The following NCKAP5 variants were observed in gnomAD, a reference collection of about 807,000 sequenced individuals.
NCKAP5 encodes the protein nck-associated protein 5.
In NCKAP5, 92 loss-of-function variants were observed where a neutral mutation model predicts 167.0. The ratio of observed to expected loss-of-function variants is 0.55; its 90% CI spans 0.47 to 0.66. The LOEUF is 0.66. NCKAP5 is among the 30% of genes least tolerant of loss of function. NCKAP5 has a pLI of 0.00. For missense variants in NCKAP5, 2,378 were observed against 2,315.0 expected (o/e 1.03, Z -0.56); for synonymous variants, 891 against 877.4 (o/e 1.02, Z -0.27).
intron 4 of NCKAP5, among the ~76,000 whole-genome samples, chr2:133,260,332 C>T (rs931116728): frequency 7.9e-5 from 12 of 152,186 alleles, no homozygotes; most frequent in African/African-American, 2.7e-4. Flanking sequence ...AGGCCTTCCA[C>T]CTATGCACAG....
chr2:132,945,408 T>C (rs1328623741), intron 8 of NCKAP5, among the ~76,000 whole-genome samples: 1 of 152,012 alleles, frequency 6.6e-6, no homozygotes, highest in Non-Finnish European at 1.5e-5. Context: ...AGCAACGAAA[T>C]CATCTAGTTA....
chr2:132,825,128 T>C (rs1357096175), intron 11 of NCKAP5, among the ~76,000 whole-genome samples: 1 of 152,206 alleles, frequency 6.6e-6, no homozygotes, highest in Non-Finnish European at 1.5e-5. Context: ...CTTTCTCTAC[T>C]TCAAGAGCAG....
At chr2:133,614,936 C>A in the NCKAP5 span, among the ~76,000 whole-genome samples, 11 of 152,208 alleles carry the variant, frequency 7.2e-5, no homozygotes, top group African/African-American at 1.9e-4. Context: ...GCCCATCAGA[C>A]TAACAGCGGA....
At chr2:133,373,876 A>G (rs1685965744) in intron 3 of NCKAP5, among the ~76,000 whole-genome samples, 1 of 152,376 alleles carries the variant, frequency 6.6e-6, no homozygotes, top group East Asian at 1.9e-4. Flanking sequence ...TTCACATGCC[A>G]AAAAGTGAAT....
At chr2:133,652,007 A>C in the NCKAP5 span, among the ~76,000 whole-genome samples, 1 of 152,194 alleles carries the variant, frequency 6.6e-6, no homozygotes, top group South Asian at 2.1e-4. Context: ...AAATCAGGAG[A>C]ATGAGAAATC....
intron 4 of NCKAP5, among the ~76,000 whole-genome samples, chr2:133,226,152 G>T (rs2086879604): frequency 1.3e-5 from 2 of 151,920 alleles, no homozygotes; most frequent in South Asian, 4.2e-4. Context: ...TGTTGCCCAG[G>T]CTGATCTTGA....
intron 7 of NCKAP5, among the ~76,000 whole-genome samples, chr2:132,969,489 CAAGGA>C (rs1199754326): frequency 6.6e-6 from 1 of 152,126 alleles, no homozygotes; most frequent in African/African-American, 2.4e-5. Context: ...GGAAGTGACT[CAAGGA>C]AAGGAAGAAT....
At chr2:133,122,886 T>TA (rs1200295805) in intron 6 of NCKAP5, 4 of 152,162 alleles carry the variant, frequency 2.6e-5, no homozygotes, top group African/African-American at 9.6e-5. Context: ...CAGGGCCTTT[T>TA]AAAAAGCATA....
At chr2:133,515,462 C>G (rs969529746) in intron 3 of NCKAP5, among the ~76,000 whole-genome samples, 1 of 152,194 alleles carries the variant, frequency 6.6e-6, no homozygotes, top group Admixed American at 6.5e-5. Context: ...AAAGATTTCA[C>G]TAGTGTAAAA....
At chr2:132,731,355 C>T (rs183689383) in intron 17 of NCKAP5, among the ~76,000 whole-genome samples, 5 of 152,306 alleles carry the variant, frequency 3.3e-5, no homozygotes, top group East Asian at 3.9e-4. Flanking sequence ...CACCAGAACA[C>T]GTATGTTTCT....
chr2:132,783,991 C>T lies in NCKAP5; in HGVS notation c.2820G>A (p.Leu940=). 6.3e-7 allele frequency: 1 copy of T among 1,592,942 alleles called. No individual in the cohort carries two copies. Among genetic ancestry groups the T allele is most frequent in the Non-Finnish European group, 8.5e-7 (1 of 1,171,684 alleles). ...GTGAATAGTCATAGCTGGGCCTGGC[C>T]AGCAGGGAGACGGACCTGCCTGGAG... The part of the protein sequence containing the change: ...PPPPGRSVSL[L]ARPSYDYSPA... Residue 940 remains leucine (L), a synonymous_variant, in exon 14 of 20, where the codon CTG becomes CTA. Coordinates refer to ENST00000409261, the MANE Select transcript of NCKAP5 (RefSeq NM_207363.3).
intron 8 of NCKAP5, among the ~76,000 whole-genome samples, chr2:132,941,624 C>A (rs554691262): frequency 5.3e-5 from 8 of 152,158 alleles, no homozygotes; most frequent in Non-Finnish European, 1.0e-4. Flanking sequence ...TAAGATGATT[C>A]CTGGTCTCAT....
rs1228022971 is a variant in NCKAP5 at position 133,426,271 on chromosome 2, A to G, written c.69+91187T>C. Among the ~76,000 whole-genome samples the G allele has an allele frequency of 2.0e-5, 3 of 151,434 alleles. No individual in the cohort carries two copies. The East Asian group carries it at 5.8e-4, about 29-fold the overall frequency. ...GGCAACGGAGCCAAACTTCATCTCA[A>G]AAAAAAAAGTTCAAGTTATTTAGAC... On this transcript the variant is annotated intron_variant, in intron 3 of 19. Transcript: ENST00000409261.
At chr2:133,514,161 G>C (rs1050279912) in intron 3 of NCKAP5, among the ~76,000 whole-genome samples, 1 of 152,166 alleles carries the variant, frequency 6.6e-6, no homozygotes, top group Non-Finnish European at 1.5e-5. Context: ...ACTCCTACTG[G>C]TGGAGGCAAA....
At chr2:132,740,104 C>T (rs1679045410) in intron 16 of NCKAP5, among the ~76,000 whole-genome samples, 1 of 152,078 alleles carries the variant, frequency 6.6e-6, no homozygotes, top group African/African-American at 2.4e-5. Context: ...CCTCTGCAAC[C>T]CTCATTCATA....
intron 4 of NCKAP5, among the ~76,000 whole-genome samples, chr2:133,260,055 A>G (rs1427729820): frequency 6.6e-6 from 1 of 152,236 alleles, no homozygotes; most frequent in African/African-American, 2.4e-5. Flanking sequence ...AATGAGGATG[A>G]GGCAGCCTAA....
chr2:132,998,726 G>A (rs182362285), intron 6 of NCKAP5, among the ~76,000 whole-genome samples: 167 of 151,898 alleles, frequency 1.1e-3, no homozygotes, highest in Admixed American at 5.1e-3. Flanking sequence ...TTATTTCGAC[G>A]GCTAATGAAT....
chr2:133,356,813 C>G (rs1684747950), intron 3 of NCKAP5, among the ~76,000 whole-genome samples: 1 of 152,130 alleles, frequency 6.6e-6, no homozygotes, highest in African/African-American at 2.4e-5. Flanking sequence ...TTAGGGCTAA[C>G]AAGAGATATT....
intron 2 of NCKAP5, among the ~76,000 whole-genome samples, chr2:133,535,518 C>T (rs1558763209): frequency 6.6e-6 from 1 of 151,924 alleles, no homozygotes; most frequent in Non-Finnish European, 1.5e-5. Flanking sequence ...TGTGTGTGTA[C>T]ATATGTGAAT....
Sources: gnomAD v4.1 joint callset for allele counts (sites outside exome capture counted in the v4.1 genomes callset) on GRCh38, gnomAD v4.1.1 for gene constraint, MANE v1.5 for transcripts, NCBI Gene and HGNC (gene_info 2026-07-23, HGNC 2026-07-21) for gene names.